Variants in SEMA5B observed in about 807,000 individuals in gnomAD.
SEMA5B encodes semaphorin 5B, also known as semaphorin-5B.
Under a neutral mutation model 135.0 loss-of-function variants are expected in SEMA5B, and 66 were observed. That is an observed-to-expected ratio of 0.49 (90% CI 0.40 to 0.60). The LOEUF (loss-of-function observed/expected upper bound fraction) is 0.60. Ranked by LOEUF, SEMA5B falls within the 20% of genes least tolerant of loss-of-function variation. The pLI is 0.00. For missense variants in SEMA5B, 1,501 were observed against 1,566.3 expected, an observed-to-expected ratio of 0.96 and a Z score of 0.70; for synonymous variants, 690 against 639.5, an observed-to-expected ratio of 1.08 and a Z score of -1.19.
intron 1 of SEMA5B, among the ~76,000 whole-genome samples, chr3:122,996,050 G>C (rs1324282901): frequency 6.6e-6 from 1 of 152,212 alleles, no homozygotes; most frequent in Non-Finnish European, 1.5e-5. Context: ...ACTAGTCTGA[G>C]GGCCTTTCCC....
intron 1 of SEMA5B, among the ~76,000 whole-genome samples, chr3:122,966,575 G>A (rs911426622): frequency 1.5e-5 from 2 of 137,356 alleles, no homozygotes; most frequent in African/African-American, 6.7e-5. Context: ...TATTTTTTGA[G>A]ACGGAGTCTC....
At chr3:122,965,038 A>G (rs1227207360) in intron 1 of SEMA5B, among the ~76,000 whole-genome samples, 1 of 152,192 alleles carries the variant, frequency 6.6e-6, no homozygotes, top group Non-Finnish European at 1.5e-5. Context: ...GGAAGAGGAC[A>G]GTAGGGTAGC....
At chr3:122,949,553 C>T (rs1171100461) in intron 2 of SEMA5B, among the ~76,000 whole-genome samples, 2 of 152,222 alleles carry the variant, frequency 1.3e-5, no homozygotes, top group Non-Finnish European at 2.9e-5. Flanking sequence ...CAGCCCCTTC[C>T]CAAAGCAAAC....
intron 12 of SEMA5B, among the ~76,000 whole-genome samples, chr3:122,918,208 A>T (rs895679297): frequency 2.0e-5 from 3 of 152,242 alleles, no homozygotes; most frequent in African/African-American, 7.2e-5. Flanking sequence ...TAAGAGCAGA[A>T]AACCTGAATC....
chr3:122,912,013 G>C lies in SEMA5B; in HGVS notation c.2953C>G (p.Arg985Gly). 2 of 1,613,762 alleles carry C rather than the reference G, an allele frequency of 1.2e-6. No homozygotes were observed. Among genetic ancestry groups the C allele is most frequent in the Non-Finnish European group, 1.7e-6 (2 of 1,179,840 alleles). ...SKCTDDGAQS[R>G]SRHCEELLPG... ...AGGAGCTCCTCACAGTGCCGGCTTC[G>C]GCTCTGGGCTCCGTCGTCAGTGCAC... Residue 985 changes from arginine to glycine, a missense_variant, in exon 20 of 23, where the codon CGA becomes GGA. Coordinates refer to ENST00000357599, the MANE Select transcript of SEMA5B (RefSeq NM_001031702.4).
At chr3:122,937,047 A>G (rs1325425439) in intron 5 of SEMA5B, among the ~76,000 whole-genome samples, 2 of 152,260 alleles carry the variant, frequency 1.3e-5, no homozygotes, top group Non-Finnish European at 2.9e-5. Context: ...GTTTGCTTAA[A>G]TCATGCCCTG....
chr3:122,936,189 C>T (rs544964119), intron 5 of SEMA5B, among the ~76,000 whole-genome samples: 1 of 152,258 alleles, frequency 6.6e-6, no homozygotes, highest in South Asian at 2.1e-4. Context: ...CCAGAAATTC[C>T]AGGATGATCT....
At chr3:122,967,280 T>C (rs1295461104) in intron 1 of SEMA5B, among the ~76,000 whole-genome samples, 2 of 152,178 alleles carry the variant, frequency 1.3e-5, no homozygotes, top group Non-Finnish European at 2.9e-5. Flanking sequence ...TTGTAGATTT[T>C]AGGGTGGTGA....
chr3:122,922,785 T>A (rs908299762), intron 10 of SEMA5B, among the ~76,000 whole-genome samples: 1 of 152,172 alleles, frequency 6.6e-6, no homozygotes, highest in Non-Finnish European at 1.5e-5. Context: ...TGCTGCAGGC[T>A]CCCCTCTCCT....
At chr3:122,960,686 T>C (rs1940534123) in intron 2 of SEMA5B, among the ~76,000 whole-genome samples, 2 of 152,262 alleles carry the variant, frequency 1.3e-5, no homozygotes, top group Admixed American at 6.5e-5. Flanking sequence ...TGGATGGCCC[T>C]TGCGGACATT....
intron 2 of SEMA5B, among the ~76,000 whole-genome samples, chr3:122,951,994 G>A (rs1256803223): frequency 2.6e-5 from 4 of 152,164 alleles, no homozygotes; most frequent in Admixed American, 6.5e-5. Context: ...ATAACAGCAC[G>A]AAGCCAGAGC....
At chr3:122,991,250 G>A (rs2107718204) in intron 1 of SEMA5B, among the ~76,000 whole-genome samples, 1 of 152,308 alleles carries the variant, frequency 6.6e-6, no homozygotes, top group Admixed American at 6.5e-5. Flanking sequence ...ATCACACACA[G>A]AGCACAAGCC....
intron 1 of SEMA5B, among the ~76,000 whole-genome samples, chr3:123,015,682 A>G (rs1479038435): frequency 6.6e-6 from 1 of 152,228 alleles, no homozygotes; most frequent in Non-Finnish European, 1.5e-5. Flanking sequence ...CTTCAGAGAA[A>G]TAAAATAATT....
chr3:122,913,369 C>A lies in SEMA5B; in HGVS notation c.2336G>T (p.Trp779Leu). 6.3e-7 allele frequency: 1 copy of A among 1,583,508 alleles called. No individual in the cohort carries two copies. Among genetic ancestry groups the A allele is most frequent in the East Asian group, 2.3e-5 (1 of 44,200 alleles). Residue 779 changes from tryptophan (W) to leucine (L), a missense_variant, in exon 17 of 23, where the codon TGG (tryptophan) becomes TTG (leucine). By Grantham distance (61) the Trp-to-Leu change is moderately conservative. Around this residue, in one of 2 missense-constraint regions of SEMA5B, gnomAD observed 927 missense variants for 881.6 expected, o/e 1.05. Transcript: ENST00000357599. The part of the protein sequence containing the change: ...GCPEVRRNTP[W>L]TPWLPVNVTQ... ...CACGTTCACGGGCAGCCACGGCGTCCAGGGGGTGTTGCGCCGCACTTCGGG... is the reference window on the plus strand; with the variant it reads ...CACGTTCACGGGCAGCCACGGCGTCAAGGGGGTGTTGCGCCGCACTTCGGG...
chr3:122,922,956 T>C (rs1938442073), intron 10 of SEMA5B, among the ~76,000 whole-genome samples: 1 of 152,218 alleles, frequency 6.6e-6, no homozygotes, highest in Non-Finnish European at 1.5e-5. Context: ...GTATTATCCC[T>C]AGTTCCAGAT....
At chr3:122,979,958 C>T (rs1033513753) in intron 1 of SEMA5B, among the ~76,000 whole-genome samples, 25 of 152,190 alleles carry the variant, frequency 1.6e-4, no homozygotes, top group African/African-American at 5.6e-4. Flanking sequence ...TGATGCTACA[C>T]TTATTTGGGC....
At chr3:122,932,644 A>G (rs1029822786) in intron 5 of SEMA5B, among the ~76,000 whole-genome samples, 1 of 151,838 alleles carries the variant, frequency 6.6e-6, no homozygotes, top group Non-Finnish European at 1.5e-5. Context: ...TCCCACCCAT[A>G]CCTATAAGTA....
intron 2 of SEMA5B, 55 bp from the exon 3 acceptor site, chr3:122,948,764 C>A: frequency 7.2e-7 from 1 of 1,383,438 alleles, no homozygotes. Context: ...GGCCCACTTC[C>A]CTCAATTTCC....
intron 1 of SEMA5B, among the ~76,000 whole-genome samples, chr3:123,010,419 C>G (rs1177966485): frequency 6.6e-6 from 1 of 152,118 alleles, no homozygotes; most frequent in East Asian, 1.9e-4. Context: ...GGCATTAAAA[C>G]AGTGTCTGGC....
Sources: allele counts gnomAD v4.1 joint callset (sites outside exome capture counted in the v4.1 genomes callset), GRCh38; gene constraint gnomAD v4.1.1; regional missense constraint gnomAD v4.1.1; transcripts MANE v1.5; gene names NCBI Gene and HGNC (gene_info 2026-07-23, HGNC 2026-07-21).